Variants in COL25A1 observed in about 807,000 individuals in gnomAD.
The protein encoded by COL25A1 is collagen type XXV alpha 1 chain.
In COL25A1, 103 loss-of-function variants were observed where a neutral mutation model predicts 128.4. The observed-to-expected ratio is 0.80, with a 90% CI of 0.68 to 0.94. The LOEUF (loss-of-function observed/expected upper bound fraction) is 0.94, where lower values mean the gene tolerates loss of function less well. Among genes scored for constraint, COL25A1 ranks in the 40% least tolerant of loss-of-function variants. The probability of loss-of-function intolerance (pLI) is 0.00; values close to 1 mark genes in which losing one functional copy is unlikely to be tolerated. For synonymous variants in COL25A1, 279 were observed against 277.2 expected, an observed-to-expected ratio of 1.01 and a Z score of -0.06; for missense variants, 745 against 840.0, an observed-to-expected ratio of 0.89 and a Z score of 1.40.
Position 108,852,773 on chromosome 4 carries a change from T to A in COL25A1, c.1344+129A>T, listed in dbSNP as rs1468967879. 8.4e-6 allele frequency: 6 copies of A among 714,116 alleles called. No individual in the cohort carries two copies. The East Asian group carries it at 1.1e-4, about 13-fold the overall frequency. The allele number at this position is 714,116 out of a possible 1,614,324, so 44.2% of individuals were successfully genotyped here. On this transcript the variant is annotated intron_variant, in intron 25 of 37. Transcript: ENST00000399132. ...TTCAACTGGAGCAAATGTAAAAGAT[T>A]ATTAATACAAGAAAACATAAAATTA...
intron 3 of COL25A1, among the ~76,000 whole-genome samples, chr4:109,164,085 A>G (rs1372143418): frequency 6.6e-6 from 1 of 152,138 alleles, no homozygotes; most frequent in Non-Finnish European, 1.5e-5. Context: ...AATGCTATGT[A>G]TTCAACAAAC....
intron 16 of COL25A1, among the ~76,000 whole-genome samples, chr4:108,890,956 T>C (rs1443345915): frequency 2.0e-5 from 3 of 152,202 alleles, no homozygotes; most frequent in African/African-American, 7.2e-5. Flanking sequence ...TCTTACTCCG[T>C]AGCATCATGC....
intron 6 of COL25A1, among the ~76,000 whole-genome samples, chr4:108,983,709 C>T (rs1364913664): frequency 6.6e-6 from 1 of 151,898 alleles, no homozygotes; most frequent in Non-Finnish European, 1.5e-5. Flanking sequence ...AGTGAAGCTG[C>T]GGACCTTCGC....
At chr4:109,154,673 C>T (rs542038437) in intron 3 of COL25A1, among the ~76,000 whole-genome samples, 2 of 152,276 alleles carry the variant, frequency 1.3e-5, no homozygotes, top group South Asian at 4.1e-4. Context: ...AAAACATTCA[C>T]AATCATCATC....
chr4:108,968,153 T>C (rs543421630), intron 8 of COL25A1, among the ~76,000 whole-genome samples: 1 of 152,336 alleles, frequency 6.6e-6, no homozygotes, highest in African/African-American at 2.4e-5. Flanking sequence ...CAGTGCCTCG[T>C]AGAATAAAAC....
intron 31 of COL25A1, among the ~76,000 whole-genome samples, chr4:108,838,879 G>A (rs1734108483): frequency 6.6e-6 from 1 of 152,120 alleles, no homozygotes; most frequent in African/African-American, 2.4e-5. Flanking sequence ...ATAAATTCTT[G>A]ACTCCATTTT....
At chr4:109,001,382 A>AGATCCTGTCAGGTAGGCATCTGG (rs1755364384) in intron 6 of COL25A1, among the ~76,000 whole-genome samples, 1 of 152,174 alleles carries the variant, frequency 6.6e-6, no homozygotes, top group Non-Finnish European at 1.5e-5. Context: ...CAGGCATCTG[A>AGATCCTGTCAGGTAGGCATCTGG]GATCCTGTCA....
intron 3 of COL25A1, among the ~76,000 whole-genome samples, chr4:109,177,614 CA>C (rs747276972): frequency 4.6e-5 from 7 of 152,138 alleles, no homozygotes; most frequent in Non-Finnish European, 1.0e-4. Context: ...AGTTCCAGGC[CA>C]AGTTTATCTT....
At chr4:108,903,303 C>A (rs935699404) in intron 13 of COL25A1, among the ~76,000 whole-genome samples, 2 of 151,868 alleles carry the variant, frequency 1.3e-5, no homozygotes, top group African/African-American at 4.8e-5. Context: ...TCATTTTGTC[C>A]TGTCTCCTTC....
At chr4:109,030,898 C>T (rs1758788974) in intron 5 of COL25A1, among the ~76,000 whole-genome samples, 1 of 151,980 alleles carries the variant, frequency 6.6e-6, no homozygotes, top group Non-Finnish European at 1.5e-5. Context: ...GTCTACATGC[C>T]TGGCTAACGT....
intron 24 of COL25A1, among the ~76,000 whole-genome samples, chr4:108,857,238 A>T (rs1248937130): frequency 6.6e-6 from 1 of 152,130 alleles, no homozygotes; most frequent in Non-Finnish European, 1.5e-5. Flanking sequence ...CTAAGTTTTT[A>T]AAAAGTCCCT....
chr4:109,283,152 C>T (rs961562667), intron 3 of COL25A1, among the ~76,000 whole-genome samples: 3 of 152,164 alleles, frequency 2.0e-5, no homozygotes, highest in Non-Finnish European at 4.4e-5. Context: ...ATATAAGTTA[C>T]TTCTTTTTTT....
intron 3 of COL25A1, among the ~76,000 whole-genome samples, chr4:109,064,523 T>C: frequency 6.6e-6 from 1 of 152,292 alleles, no homozygotes; most frequent in African/African-American, 2.4e-5. Context: ...TCCCTTAAAA[T>C]CTGTGAAATC....
chr4:109,242,402 C>T (rs567124921), intron 3 of COL25A1, among the ~76,000 whole-genome samples: 171 of 152,202 alleles, frequency 1.1e-3, no homozygotes, highest in African/African-American at 4.0e-3. Flanking sequence ...TACCAACACT[C>T]AATTTGTCAA....
intron 3 of COL25A1, among the ~76,000 whole-genome samples, chr4:109,259,396 T>C (rs1436043913): frequency 6.6e-6 from 1 of 152,218 alleles, no homozygotes; most frequent in African/African-American, 2.4e-5. Flanking sequence ...CCAAATATAT[T>C]GTTGGTACTT....
At chr4:108,923,453 C>A (rs1745697711) in intron 11 of COL25A1, among the ~76,000 whole-genome samples, 1 of 152,094 alleles carries the variant, frequency 6.6e-6, no homozygotes, top group Admixed American at 6.6e-5. Context: ...TCAAGCAATC[C>A]TCCTGCCTCA....
At chr4:109,188,593 T>C (rs1464105207) in intron 3 of COL25A1, among the ~76,000 whole-genome samples, 2 of 152,064 alleles carry the variant, frequency 1.3e-5, no homozygotes, top group Admixed American at 6.6e-5. Context: ...GCTTTGAGAA[T>C]GGAATCGTAC....
chr4:109,016,456 C>G (rs971082775), intron 5 of COL25A1, among the ~76,000 whole-genome samples: 3 of 152,220 alleles, frequency 2.0e-5, no homozygotes, highest in African/African-American at 7.2e-5. Flanking sequence ...GGGGCGGGTC[C>G]CTGGTGAAAC....
intron 3 of COL25A1, among the ~76,000 whole-genome samples, chr4:109,069,718 G>A (rs1297069368): frequency 1.3e-5 from 2 of 152,134 alleles, no homozygotes; most frequent in Non-Finnish European, 1.5e-5. Flanking sequence ...TGGGCTCTCT[G>A]TAAATGAAAT....
Sources: gnomAD v4.1 joint callset for allele counts (sites outside exome capture counted in the v4.1 genomes callset) on GRCh38, gnomAD v4.1.1 for gene constraint, MANE v1.5 for transcripts, NCBI Gene and HGNC (gene_info 2026-07-23, HGNC 2026-07-21) for gene names.